The following PCDH11X variants were observed in gnomAD, a reference collection of about 807,000 sequenced individuals.
PCDH11X encodes the protein protocadherin 11 X-linked, also known as protocadherin-11 X-linked.
A neutral mutation model predicts 53.3 loss-of-function variants in PCDH11X; 18 were observed. That is an observed-to-expected ratio of 0.34 (90% confidence interval 0.23 to 0.50). The LOEUF (loss-of-function observed/expected upper bound fraction) is 0.50, where lower values mean the gene tolerates loss of function less well. PCDH11X is among the 20% of genes least tolerant of loss of function. The probability of loss-of-function intolerance (pLI) is 0.98; values close to 1 mark genes in which losing one functional copy is unlikely to be tolerated. For synonymous variants in PCDH11X, 279 were observed against 393.3 expected (o/e 0.71, Z 3.44); for missense variants, 570 against 1,032.4 (o/e 0.55, Z 6.14).
intron 6 of PCDH11X, among the ~76,000 whole-genome samples, chrX:91,936,169 T>A (rs2147848085): frequency 9.4e-6 from 1 of 106,663 alleles, no homozygotes. Flanking sequence ...TTATTTTTGG[T>A]TTATAGTTTC....
intron 6 of PCDH11X, among the ~76,000 whole-genome samples, chrX:92,082,616 C>T (rs897365257): frequency 2.3e-4 from 25 of 107,434 alleles, no homozygotes; most frequent in African/African-American, 8.4e-4. Context: ...GAATTGGAGT[C>T]ATTTGACTGC....
At chrX:92,305,755 G>A (rs768044620) in intron 8 of PCDH11X, among the ~76,000 whole-genome samples, 26 of 111,043 alleles carry the variant, frequency 2.3e-4, no homozygotes, top group Non-Finnish European at 4.7e-4. Context: ...TATGTGTTAC[G>A]AATACAGTAA....
At chrX:92,420,566 A>T (rs756903233) in intron 9 of PCDH11X, 1 of 333,199 alleles carries the variant, frequency 3.0e-6, no homozygotes, top group East Asian at 8.6e-5. Context: ...TATTTAATGG[A>T]TATAAAGTTT....
intron 10 of PCDH11X, among the ~76,000 whole-genome samples, chrX:92,503,565 G>A (rs919471015): frequency 2.3e-4 from 21 of 92,356 alleles, no homozygotes; most frequent in African/African-American, 8.8e-4. Context: ...ACAGGATCTT[G>A]TGCTTTGCAG....
rs373563380 is a variant in PCDH11X at position 92,256,166 on chromosome X, G to A, written c.3115-6948G>A. 2.5e-4 allele frequency among the ~76,000 whole-genome samples: 28 copies of A among 112,160 alleles called. No individual in the cohort carries two copies. In the South Asian group the frequency reaches 2.6e-3, roughly 10 times the overall value. On this transcript the variant is annotated intron_variant, in intron 7 of 10. Coordinates refer to ENST00000682573, the MANE Select transcript of PCDH11X (RefSeq NM_032968.5). Reference sequence around the variant, plus strand: ...CGTTTTTTAAGCTCGTCGGAAAAGCGCAGTATTCGGGTGGGAGTGACCCGA... The same window carrying A: ...CGTTTTTTAAGCTCGTCGGAAAAGCACAGTATTCGGGTGGGAGTGACCCGA...
In PCDH11X at chrX:92,621,156, A is replaced by ACACATG. The variant is rs1428396950; in HGVS notation, c.*2220_*2221insTGCACA. ...CACACACACACACACACACACGTGC[A>ACACATG]CACACACACACATTTAAATGATATA... is the stretch of plus-strand genomic sequence containing the variant. On this transcript the variant is annotated 3_prime_UTR_variant, in exon 11 of 11. Transcript: ENST00000682573. 1.3e-4 allele frequency: 8 copies of ACACATG among 61,876 alleles called. 1 individual carries two copies. The African/African-American group carries it at 1.5e-3, about 11-fold the overall frequency. 5.1% of individuals were successfully genotyped at this position (61,876 alleles called of 1,213,427 possible). A position where few individuals can be genotyped will look rare whatever the true frequency, so the allele number is the denominator to read the frequency against.
At chrX:92,276,843 C>G (rs112031092) in intron 8 of PCDH11X, among the ~76,000 whole-genome samples, 1 of 111,330 alleles carries the variant, frequency 9.0e-6, no homozygotes, top group African/African-American at 3.3e-5. Flanking sequence ...TGCTGCCAAA[C>G]GAGTCATGAA....
intron 1 of PCDH11X, among the ~76,000 whole-genome samples, chrX:91,804,054 G>A (rs905134563): frequency 2.7e-5 from 3 of 111,615 alleles, no homozygotes; most frequent in Non-Finnish European, 3.8e-5. Context: ...GTATTGGTGG[G>A]TTGCTGGCAA....
intron 8 of PCDH11X, among the ~76,000 whole-genome samples, chrX:92,342,302 C>T (rs1409586981): frequency 4.4e-4 from 48 of 109,947 alleles, no homozygotes; most frequent in Non-Finnish European, 7.4e-4. Context: ...AAACAAACAA[C>T]AAATGAAAAA....
intron 8 of PCDH11X, among the ~76,000 whole-genome samples, chrX:92,344,124 C>T (rs1305136229): frequency 9.5e-6 from 1 of 105,401 alleles, no homozygotes; most frequent in Non-Finnish European, 2.0e-5. Context: ...CTGGACCTTT[C>T]CTCATGCTAG....
At chrX:92,564,581 C>T (rs1221268289) in intron 10 of PCDH11X, among the ~76,000 whole-genome samples, 1 of 109,748 alleles carries the variant, frequency 9.1e-6, no homozygotes, top group Admixed American at 9.8e-5. Context: ...AAGAATAAAA[C>T]TAGACCCCTA....
At chrX:92,355,284 G>T (rs1402401254) in intron 8 of PCDH11X, among the ~76,000 whole-genome samples, 1 of 65,063 alleles carries the variant, frequency 1.5e-5, no homozygotes, top group Admixed American at 2.2e-4. Context: ...AAAATTAGCC[G>T]GGCGTAGTGG....
Position 92,427,602 on chromosome X carries a change from T to G in PCDH11X, c.3343+39669T>G, listed in dbSNP as rs1451829013. On this transcript the variant is annotated intron_variant, in intron 9 of 10. Coordinates refer to ENST00000682573, the MANE Select transcript of PCDH11X (RefSeq NM_032968.5). ...CTTATTTTGTAAAGTAATTGATAGC[T>G]GTACATGGTACACTTGGTATAGTAT... is the stretch of plus-strand genomic sequence containing the variant. 5.6e-5 allele frequency among the ~76,000 whole-genome samples: 2 copies of G among 35,520 alleles called. 1 individual carries two copies. The highest frequency in any genetic ancestry group is 7.1e-4 in the Admixed American group (2 of 2,809). 30.8% of individuals were successfully genotyped at this position (35,520 alleles called of 115,157 possible).
intron 6 of PCDH11X, among the ~76,000 whole-genome samples, chrX:91,997,511 G>A (rs1385784142): frequency 9.0e-6 from 1 of 111,581 alleles, no homozygotes; most frequent in South Asian, 3.7e-4. Flanking sequence ...TTAATGAGGT[G>A]TATCATATTT....
intron 1 of PCDH11X, among the ~76,000 whole-genome samples, chrX:91,782,011 A>T (rs1935163110): frequency 9.1e-6 from 1 of 109,591 alleles, no homozygotes; most frequent in Non-Finnish European, 1.9e-5. Context: ...TGGCAGGGGC[A>T]GCCCCTCCTT....
chrX:91,886,405 C>T (rs756164809), intron 6 of PCDH11X, among the ~76,000 whole-genome samples: 91 of 110,645 alleles, frequency 8.2e-4, no homozygotes, highest in African/African-American at 2.8e-3. Flanking sequence ...TGTATACTTT[C>T]TCCCCTGCAA....
At chrX:91,933,501 A>G (rs1475317109) in intron 6 of PCDH11X, among the ~76,000 whole-genome samples, 1 of 111,736 alleles carries the variant, frequency 8.9e-6, no homozygotes, top group African/African-American at 3.2e-5. Context: ...AATTTAGCAC[A>G]GTTCTCTATG....
intron 10 of PCDH11X, among the ~76,000 whole-genome samples, chrX:92,495,068 T>A (rs1039685876): frequency 3.9e-5 from 4 of 102,695 alleles, no homozygotes; most frequent in Non-Finnish European, 7.9e-5. Flanking sequence ...CTTTCCTCTG[T>A]ATGGCATACC....
intron 10 of PCDH11X, among the ~76,000 whole-genome samples, chrX:92,557,483 T>C (rs184978093): frequency 1.3e-4 from 15 of 111,555 alleles, no homozygotes; most frequent in Admixed American, 1.2e-3. Flanking sequence ...GAATCATCTT[T>C]ATTCCAATAC....
Sources: allele counts gnomAD v4.1 joint callset (sites outside exome capture counted in the v4.1 genomes callset), GRCh38; gene constraint gnomAD v4.1.1; transcripts MANE v1.5; gene names NCBI Gene and HGNC (gene_info 2026-07-23, HGNC 2026-07-21).